Variants in VCAN observed in about 807,000 individuals in gnomAD.
VCAN encodes versican core protein.
Under a neutral mutation model 245.5 loss-of-function variants are expected in VCAN, and 44 were observed. The observed-to-expected ratio is 0.18, with a 90% CI of 0.14 to 0.23. VCAN has a LOEUF of 0.23. Among genes scored for constraint, VCAN ranks in the 10% least tolerant of loss-of-function variants. The pLI is 1.00. For missense variants in VCAN, 3,793 were observed against 4,057.9 expected, an observed-to-expected ratio of 0.93 and a Z score of 1.77; for synonymous variants, 1,413 against 1,437.0, an observed-to-expected ratio of 0.98 and a Z score of 0.38.
Position 83,520,013 on chromosome 5 carries a change from C to T in VCAN, c.1707C>T (p.Ser569=). The change falls in exon 7 of 15, where the codon AGC becomes AGT. Residue 569 remains serine, a synonymous_variant. Transcript: ENST00000265077. The stretch of plus-strand genomic sequence containing the variant: ...CACTTACAGTTGGATCTGATGAGAG[C>T]ACCTTGATCTTTGACCAAATTCCTG... ...DRTLTVGSDE[S]TLIFDQIPEV... 6.2e-7 allele frequency: 1 copy of T among 1,614,058 alleles called. No individual in the cohort carries two copies. Among genetic ancestry groups the T allele is most frequent in the African/African-American group, 1.3e-5 (1 of 75,036 alleles).
At chr5:83,480,188 C>T (rs572124660) in intron 1 of VCAN, among the ~76,000 whole-genome samples, 53 of 152,220 alleles carry the variant, frequency 3.5e-4, no homozygotes, top group African/African-American at 1.3e-3. Context: ...TGATCTCCTC[C>T]TTGTATTCTT....
At chr5:83,556,625 T>C (rs1372131326) in intron 12 of VCAN, among the ~76,000 whole-genome samples, 1 of 152,218 alleles carries the variant, frequency 6.6e-6, no homozygotes, top group Non-Finnish European at 1.5e-5. Context: ...GTATTGGATC[T>C]GTATCTGCAA....
At chr5:83,532,721 A>T (rs1237810193) in intron 7 of VCAN, among the ~76,000 whole-genome samples, 2 of 152,100 alleles carry the variant, frequency 1.3e-5, no homozygotes, top group Non-Finnish European at 2.9e-5. Flanking sequence ...CTAAAAAAAA[A>T]TTCAATAAAA....
intron 12 of VCAN, among the ~76,000 whole-genome samples, chr5:83,556,870 GA>G (rs1265399968): frequency 6.6e-6 from 1 of 151,978 alleles, no homozygotes; most frequent in African/African-American, 2.4e-5. Context: ...TGCATTTAAT[GA>G]GTTTTCCTTG....
intron 1 of VCAN, among the ~76,000 whole-genome samples, chr5:83,478,227 T>C (rs1744469803): frequency 1.3e-5 from 2 of 152,312 alleles, no homozygotes; most frequent in East Asian, 1.9e-4. Flanking sequence ...ATTACAGGCA[T>C]GAGCCACTGT....
rs751043479 is a variant in VCAN at position 83,522,291 on chromosome 5, G to A, written c.3985G>A (p.Val1329Ile). Residue 1329 changes from valine to isoleucine, a missense_variant, in exon 7 of 15, where the codon GTC becomes ATC. This residue lies in a region of VCAN where 3,182 missense variants were observed against 3,250.3 expected (regional missense o/e 0.98). Transcript: ENST00000265077. ...HPDINVYIIE[V>I]RENKTGRMSD... is the part of the protein sequence containing the mutation. ...TGACATTAATGTTTATATTATTGAG[G>A]TCAGAGAAAATAAGACAGGTAAGTC... 4.4e-6 allele frequency: 7 copies of A among 1,598,812 alleles called. No individual in the cohort carries two copies. The highest frequency in any genetic ancestry group is 1.7e-5 in the Admixed American group (1 of 59,984).
chr5:83,509,561 G>A (rs929463078), intron 5 of VCAN, among the ~76,000 whole-genome samples: 2 of 152,144 alleles, frequency 1.3e-5, no homozygotes, highest in Admixed American at 6.5e-5. Flanking sequence ...TTGCCCTTCC[G>A]TGGTTGGCTG....
At position 83,471,745 on chromosome 5, in the gene VCAN, C is replaced by T. The variant is rs1744192328; in HGVS notation, c.-285C>T. The T allele has an allele frequency of 2.5e-6, 1 of 398,690 alleles. No individual in the cohort carries two copies. 24.7% of individuals were successfully genotyped at this position (398,690 alleles called of 1,614,324 possible). A position where few individuals can be genotyped will look rare whatever the true frequency, so the allele number is the denominator to read the frequency against. On this transcript the variant is annotated 5_prime_UTR_variant, in exon 1 of 15. Coordinates refer to ENST00000265077, the MANE Select transcript of VCAN (RefSeq NM_004385.5). ...TAATGATGATGGGTGTCACAACCCGCATTTGAACTTGCAGGCGAGCTGCCC... is the reference window on the plus strand; with the variant it reads ...TAATGATGATGGGTGTCACAACCCGTATTTGAACTTGCAGGCGAGCTGCCC...
At chr5:83,474,556 C>T (rs896692184) in intron 1 of VCAN, among the ~76,000 whole-genome samples, 1 of 152,216 alleles carries the variant, frequency 6.6e-6, no homozygotes, top group Non-Finnish European at 1.5e-5. Context: ...CCGCAACGGG[C>T]GCTCCCCGCA....
chr5:83,544,399 A>C (rs1420421633), intron 8 of VCAN, among the ~76,000 whole-genome samples: 1 of 152,170 alleles, frequency 6.6e-6, no homozygotes, highest in Admixed American at 6.5e-5. Flanking sequence ...AGAAAGTTTG[A>C]GTTTGACTTT....
intron 5 of VCAN, among the ~76,000 whole-genome samples, chr5:83,507,090 A>G (rs1207405525): frequency 6.6e-6 from 1 of 152,186 alleles, no homozygotes; most frequent in Non-Finnish European, 1.5e-5. Context: ...ACTGTTTTCA[A>G]TTAGAGAAAA....
At chr5:83,524,333 C>T (rs1350982210) in intron 7 of VCAN, among the ~76,000 whole-genome samples, 1 of 152,112 alleles carries the variant, frequency 6.6e-6, no homozygotes, top group Non-Finnish European at 1.5e-5. Flanking sequence ...CCTTCTGCTT[C>T]TAAAATGTGA....
chr5:83,540,557 T>C lies in VCAN; in HGVS notation c.7554T>C (p.Gly2518=), dbSNP rs768174659. ...TGTCATATGAGAGGTCCACAGACGG[T>C]AGTTTCCAAGACCGTTTCAGGGAAT... ...NTVSYERSTD[G]SFQDRFREFE... The change falls in exon 8 of 15, where the codon GGT becomes GGC. Residue 2518 remains glycine, a synonymous_variant. Transcript: ENST00000265077. The C allele has an allele frequency of 4.3e-6, 7 of 1,613,808 alleles. No individual in the cohort carries two copies. The highest frequency in any genetic ancestry group is 5.9e-6 in the Non-Finnish European group (7 of 1,179,952).
At chr5:83,474,631 T>C (rs1023723324) in intron 1 of VCAN, among the ~76,000 whole-genome samples, 7 of 151,762 alleles carry the variant, frequency 4.6e-5, no homozygotes, top group African/African-American at 9.7e-5. Context: ...CGGGTGTGAC[T>C]TCCTGGGCTC....
At position 83,493,703 on chromosome 5, in the gene VCAN, G is replaced by A. The variant is rs1372880548; in HGVS notation, c.603G>A (p.Leu201=). 1 of 1,614,122 alleles carries A rather than the reference G, an allele frequency of 6.2e-7. No individual in the cohort carries two copies. Among genetic ancestry groups the A allele is most frequent in the East Asian group, 2.2e-5 (1 of 44,864 alleles). The stretch of plus-strand genomic sequence containing the variant: ...TTGAGCAGTGTGACGCAGGCTGGCT[G>A]GCTGATCAGACTGTCAGGTAAGAGG... The part of the protein sequence containing the change: ...DGFEQCDAGW[L]ADQTVRYPIR... The change falls in exon 4 of 15, where the codon CTG becomes CTA. Residue 201 remains leucine (L), a synonymous_variant. Coordinates refer to ENST00000265077, the MANE Select transcript of VCAN (RefSeq NM_004385.5).
intron 7 of VCAN, among the ~76,000 whole-genome samples, chr5:83,533,307 T>G (rs1456819336): frequency 6.6e-6 from 1 of 152,122 alleles, no homozygotes; most frequent in Admixed American, 6.6e-5. Context: ...AATTTAATGA[T>G]TAGTACATTT....
chr5:83,527,719 T>C (rs1160757349), intron 7 of VCAN, among the ~76,000 whole-genome samples: 1 of 151,842 alleles, frequency 6.6e-6, no homozygotes, highest in East Asian at 2.0e-4. Context: ...TTTGGGTAGT[T>C]GTACTAACTC....
chr5:83,513,887 C>T (rs1480358071), intron 6 of VCAN, among the ~76,000 whole-genome samples: 2 of 152,052 alleles, frequency 1.3e-5, no homozygotes, highest in East Asian at 1.9e-4. Context: ...AATTAGGGAA[C>T]GAATAGAATT....
In VCAN at chr5:83,484,028, A is replaced by G. The variant is rs185730834; in HGVS notation, c.70+440A>G. ...TAGTTCCTTTTCTTTTCTTTTTTAA[A>G]AAAGCAGTTGGATATGCATATGCCC... On this transcript the variant is annotated intron_variant, in intron 2 of 14. Transcript: ENST00000265077. 2.2e-4 allele frequency among the ~76,000 whole-genome samples: 33 copies of G among 152,350 alleles called. No homozygotes were observed. In the East Asian group the frequency reaches 5.6e-3, roughly 26 times the overall value.
Sources: allele counts gnomAD v4.1 joint callset (sites outside exome capture counted in the v4.1 genomes callset), GRCh38; gene constraint gnomAD v4.1.1; regional missense constraint gnomAD v4.1.1; transcripts MANE v1.5; gene names NCBI Gene and HGNC (gene_info 2026-07-23, HGNC 2026-07-21).